Variants in IQSEC1 observed in about 807,000 individuals in gnomAD.
The protein encoded by IQSEC1 is IQ motif and Sec7 domain ArfGEF 1.
Under a neutral mutation model 91.0 loss-of-function variants are expected in IQSEC1, and 31 were observed. The ratio of observed to expected loss-of-function variants is 0.34; its 90% CI spans 0.26 to 0.46. IQSEC1 has a LOEUF of 0.46. IQSEC1 is among the 20% of genes least tolerant of loss of function. The pLI is 1.00. For synonymous variants in IQSEC1, 699 were observed against 662.6 expected (o/e 1.05, Z -0.84); for missense variants, 1,388 against 1,575.6 (o/e 0.88, Z 2.02).
chr3:13,270,545 G>A (rs1695575501), intron 1 of IQSEC1, among the ~76,000 whole-genome samples: 1 of 152,168 alleles, frequency 6.6e-6, no homozygotes, highest in Non-Finnish European at 1.5e-5. Context: ...AACATTCCCT[G>A]TCCAGATCCT....
At chr3:13,136,924 G>T (rs1478764326) in intron 2 of IQSEC1, among the ~76,000 whole-genome samples, 1 of 152,176 alleles carries the variant, frequency 6.6e-6, no homozygotes, top group Non-Finnish European at 1.5e-5. Flanking sequence ...AACACTTGGT[G>T]CCAGGAGTTC....
At chr3:13,202,716 G>C (rs1349372082) in intron 1 of IQSEC1, among the ~76,000 whole-genome samples, 1 of 152,140 alleles carries the variant, frequency 6.6e-6, no homozygotes, top group Non-Finnish European at 1.5e-5. Flanking sequence ...AGTGACGGTT[G>C]TATGACAATA....
At chr3:12,927,932 G>A (rs1465142865) in intron 3 of IQSEC1, among the ~76,000 whole-genome samples, 2 of 152,040 alleles carry the variant, frequency 1.3e-5, no homozygotes, top group Admixed American at 6.5e-5. Context: ...GGGGGAAGGC[G>A]AAGGGGGTAG....
intron 8 of IQSEC1, 93 bp downstream of exon 8, chr3:12,915,011 C>G (rs1441947238): frequency 7.5e-7 from 1 of 1,327,878 alleles, no homozygotes; most frequent in Non-Finnish European, 1.1e-6. Flanking sequence ...AGCACTTGGG[C>G]TCTGGGAGCC....
In IQSEC1 at chr3:12,897,076, G is replaced by A. The variant is rs935685757; in HGVS notation, c.*3907C>T. 1 of 152,136 alleles carries A rather than the reference G, an allele frequency of 6.6e-6. No individual in the cohort carries two copies. The highest frequency in any genetic ancestry group is 2.1e-4 in the South Asian group (1 of 4,830). The allele number at this position is 152,136 out of a possible 1,614,324, so 9.4% of individuals were successfully genotyped here. A position where few individuals can be genotyped will look rare whatever the true frequency, so the allele number is the denominator to read the frequency against. On this transcript the variant is annotated 3_prime_UTR_variant, in exon 14 of 14. Transcript: ENST00000613206. ...GATGTGTCCCTTTATTTTAAATTTT[G>A]TATCAGTGTCCTCAGTCAGTCCAAT...
At chr3:12,920,811 G>A (rs1464727577) in intron 5 of IQSEC1, among the ~76,000 whole-genome samples, 1 of 152,182 alleles carries the variant, frequency 6.6e-6, no homozygotes, top group Non-Finnish European at 1.5e-5. Flanking sequence ...GCACATGGCC[G>A]TCCTGGGGAG....
At chr3:13,112,033 C>T (rs1706255272) in intron 2 of IQSEC1, among the ~76,000 whole-genome samples, 1 of 152,142 alleles carries the variant, frequency 6.6e-6, no homozygotes. Context: ...ATTGCTGTTC[C>T]CTGCACTTGC....
chr3:13,244,791 C>T (rs1438947577), intron 1 of IQSEC1, among the ~76,000 whole-genome samples: 2 of 152,066 alleles, frequency 1.3e-5, no homozygotes, highest in Non-Finnish European at 2.9e-5. Context: ...CAGCCATTGA[C>T]CACGAAGCAC....
intron 1 of IQSEC1, among the ~76,000 whole-genome samples, chr3:13,279,234 A>C (rs61032898): frequency 1.3e-5 from 2 of 152,292 alleles, no homozygotes; most frequent in African/African-American, 4.8e-5. Flanking sequence ...CTGAGTGCCT[A>C]TTATGCGTCT....
chr3:13,179,233 C>T (rs990209276), intron 1 of IQSEC1, among the ~76,000 whole-genome samples: 2 of 152,202 alleles, frequency 1.3e-5, no homozygotes, highest in African/African-American at 4.8e-5. Flanking sequence ...GACCAAACCC[C>T]TGGTGTTTCA....
At chr3:13,081,788 A>T (rs1705650865) in intron 2 of IQSEC1, among the ~76,000 whole-genome samples, 1 of 152,184 alleles carries the variant, frequency 6.6e-6, no homozygotes, top group Admixed American at 6.5e-5. Flanking sequence ...TGGCCCAGTG[A>T]CCTTGGGCGG....
rs575762365 is a variant in IQSEC1 at position 12,936,452 on chromosome 3, G to T, written c.564C>A (p.Asp188Glu). ...FEGKQVSVTN[D>E]GSQLGALVSP... The stretch of plus-strand genomic sequence containing the variant: ...ACACCAGGGCTCCCAGCTGGGAGCC[G>T]TCGTTAGTCACTGAGACCTGCTTCC... The change falls in exon 3 of 14, where the codon GAC becomes GAA. Residue 188 changes from aspartate (D) to glutamate (E), a missense_variant. By Grantham distance (45) the Asp-to-Glu change is conservative. This residue lies in a region of IQSEC1 where 1,059 missense variants were observed against 1,317.8 expected (regional missense o/e 0.80). Coordinates refer to ENST00000613206, the MANE Select transcript of IQSEC1 (RefSeq NM_001134382.3). 5 of 1,608,078 alleles carry T rather than the reference G, an allele frequency of 3.1e-6. No homozygotes were observed. Among genetic ancestry groups the T allele is most frequent in the Middle Eastern group, 1.7e-4 (1 of 6,048 alleles).
intron 2 of IQSEC1, among the ~76,000 whole-genome samples, chr3:13,145,802 G>GGA (rs1351663037): frequency 9.7e-6 from 1 of 103,338 alleles, no homozygotes; most frequent in Non-Finnish European, 2.0e-5. Context: ...GGCGCCCGGG[G>GGA]GCGGGGGGGG....
intron 1 of IQSEC1, among the ~76,000 whole-genome samples, chr3:13,224,669 CG>C (rs1694721387): frequency 2.0e-5 from 3 of 152,110 alleles, no homozygotes; most frequent in African/African-American, 7.2e-5. Context: ...GGACCCAGGA[CG>C]GGAGCATAGC....
chr3:13,077,344 C>T (rs1290424659), upstream of IQSEC1, among the ~76,000 whole-genome samples: 2 of 152,220 alleles, frequency 1.3e-5, no homozygotes, highest in Admixed American at 1.3e-4. Flanking sequence ...AATCCCCTCG[C>T]CAGCCCTGCC....
chr3:13,266,437 G>A (rs1032559277), intron 1 of IQSEC1, among the ~76,000 whole-genome samples: 1 of 152,190 alleles, frequency 6.6e-6, no homozygotes, highest in Admixed American at 6.5e-5. Context: ...TCAGCCTGCA[G>A]TGCAGCTGGG....
At position 13,211,667 on chromosome 3, in the gene IQSEC1, C is replaced by A. The variant is rs1409773909; in HGVS notation, c.273-47534G>T. Among the ~76,000 whole-genome samples the A allele has an allele frequency of 2.0e-5, 3 of 152,224 alleles. No homozygotes were observed. Among genetic ancestry groups the A allele is most frequent in the African/African-American group, 7.2e-5 (3 of 41,456 alleles). The stretch of plus-strand genomic sequence containing the variant: ...TCCCTGAAGGCCAGGCCAGGACCCA[C>A]GAACTGGCACCACCCCAGCCCTGCT... On this transcript the variant is annotated intron_variant, in intron 1 of 15. Transcript: ENST00000648114. This position sits in a 1 kb window ranked among gnomAD's most constrained non-coding sequence, Gnocchi z 5.3.
intron 2 of IQSEC1, among the ~76,000 whole-genome samples, chr3:13,110,833 C>T (rs1464488857): frequency 6.6e-6 from 1 of 152,058 alleles, no homozygotes; most frequent in Admixed American, 6.5e-5. Flanking sequence ...CTGGGTGAGT[C>T]GGGACACCAA....
intron 6 of IQSEC1, among the ~76,000 whole-genome samples, chr3:12,917,598 C>T (rs951736309): frequency 3.3e-5 from 5 of 152,224 alleles, no homozygotes; most frequent in African/African-American, 1.2e-4. Context: ...GTGCTGAGCA[C>T]TATTCCACTG....
Sources: allele counts gnomAD v4.1 joint callset (sites outside exome capture counted in the v4.1 genomes callset), GRCh38; gene constraint gnomAD v4.1.1; regional missense constraint gnomAD v4.1.1; non-coding constraint Gnocchi (gnomAD v3.1); transcripts MANE v1.5; gene names NCBI Gene and HGNC (gene_info 2026-07-23, HGNC 2026-07-21).